RABGAP1L: variants seen among roughly 807,000 people sequenced by gnomAD.
RABGAP1L encodes RAB GTPase activating protein 1 like.
Under a neutral mutation model 137.7 loss-of-function variants are expected in RABGAP1L, and 63 were observed. The observed-to-expected ratio is 0.46, with a 90% CI of 0.37 to 0.56. The LOEUF is 0.56. Among genes scored for constraint, RABGAP1L ranks in the 20% least tolerant of loss-of-function variants. The pLI, the probability that RABGAP1L is intolerant of heterozygous loss-of-function variation, is 0.00. For synonymous variants in RABGAP1L, 431 were observed against 433.7 expected (o/e 0.99, Z 0.08); for missense variants, 1,095 against 1,244.0 (o/e 0.88, Z 1.80).
chr1:174,943,667 C>G (rs1666260349), intron 19 of RABGAP1L, among the ~76,000 whole-genome samples: 1 of 151,930 alleles, frequency 6.6e-6, no homozygotes, highest in Non-Finnish European at 1.5e-5. Context: ...AACCTGGTCT[C>G]TACTAAAAAT....
intron 19 of RABGAP1L, among the ~76,000 whole-genome samples, chr1:174,885,210 A>T (rs1410342992): frequency 6.6e-6 from 1 of 152,106 alleles, no homozygotes; most frequent in Non-Finnish European, 1.5e-5. Flanking sequence ...TCTTTCTTTA[A>T]CTCTTACAGA....
chr1:174,800,340 A>G, intron 18 of RABGAP1L: 1 of 1,550,244 alleles, frequency 6.5e-7, no homozygotes, highest in Non-Finnish European at 8.7e-7. Flanking sequence ...CTCATGGAAG[A>G]AGGGGTGCCC....
chr1:174,654,957 T>G (rs1232958407), intron 14 of RABGAP1L, among the ~76,000 whole-genome samples: 1 of 134,144 alleles, frequency 7.5e-6, no homozygotes, highest in Admixed American at 7.3e-5. Context: ...TCATTTTTTA[T>G]GATTAGATTC....
intron 13 of RABGAP1L, among the ~76,000 whole-genome samples, chr1:174,495,979 AG>A (rs1660699700): frequency 6.6e-6 from 1 of 152,188 alleles, no homozygotes; most frequent in Non-Finnish European, 1.5e-5. Flanking sequence ...TCAGCCTGCC[AG>A]TGTGCTGGGA....
At chr1:174,955,057 A>T (rs917571610) in intron 19 of RABGAP1L, among the ~76,000 whole-genome samples, 3 of 152,204 alleles carry the variant, frequency 2.0e-5, no homozygotes, top group Non-Finnish European at 2.9e-5. Context: ...TTATCTAATG[A>T]TCTGTGAGGC....
At position 174,465,567 on chromosome 1, in the gene RABGAP1L, C is replaced by T. The variant is rs187104637; in HGVS notation, c.1710+71422C>T. On this transcript the variant is annotated intron_variant, in intron 13 of 25. Transcript: ENST00000681986. ...GAATCTGGTGAACAGGAATGATAAA[C>T]TCTTTTCTCATAGAGCTTACATCCA... is the stretch of plus-strand genomic sequence containing the variant. 2.0e-3 allele frequency among the ~76,000 whole-genome samples: 311 copies of T among 152,170 alleles called. 1 individual carries two copies. Among genetic ancestry groups the T allele is most frequent in the Middle Eastern group, 3.4e-3 (1 of 292 alleles).
At chr1:174,160,648 T>C (rs1356012259) in intron 1 of RABGAP1L, among the ~76,000 whole-genome samples, 1 of 152,230 alleles carries the variant, frequency 6.6e-6, no homozygotes, top group Non-Finnish European at 1.5e-5. Context: ...AAAATGATTT[T>C]AAGGCCTTTA....
chr1:174,725,565 T>G (rs923306078), intron 17 of RABGAP1L, among the ~76,000 whole-genome samples: 9 of 152,194 alleles, frequency 5.9e-5, no homozygotes, highest in African/African-American at 2.2e-4. Context: ...TTACTTTTTA[T>G]TTTCATTTTT....
intron 11 of RABGAP1L, among the ~76,000 whole-genome samples, chr1:174,350,696 G>C (rs1203804946): frequency 2.3e-5 from 1 of 42,690 alleles, no homozygotes; most frequent in Non-Finnish European, 4.4e-5. Context: ...GGTGGCGGCC[G>C]GGCAGAGGCT....
chr1:174,727,708 T>C (rs1036736179), intron 17 of RABGAP1L, among the ~76,000 whole-genome samples: 1 of 152,198 alleles, frequency 6.6e-6, no homozygotes, highest in Non-Finnish European at 1.5e-5. Context: ...AAATGACAAA[T>C]GTTTCAGGTG....
At chr1:174,388,540 AAAACT>A in intron 12 of RABGAP1L, among the ~76,000 whole-genome samples, 1 of 152,134 alleles carries the variant, frequency 6.6e-6, no homozygotes, top group East Asian at 1.9e-4. Flanking sequence ...TTGTAAAAAC[AAAACT>A]AAACGTGGTA....
In RABGAP1L at chr1:174,845,143, T is replaced by C. The variant is rs1693913192; in HGVS notation, c.2340+33183T>C. Among the ~76,000 whole-genome samples the C allele has an allele frequency of 3.4e-5, 5 of 148,270 alleles. No homozygotes were observed. In the South Asian group the frequency reaches 1.1e-3, roughly 33 times the overall value. ...ATTTTGGGCTGAGATGATGGAGTTT[T>C]CTAGATAAACAATCATGTCGTCTGC... On this transcript the variant is annotated intron_variant, in intron 19 of 25. Coordinates refer to ENST00000681986, the MANE Select transcript of RABGAP1L (RefSeq NM_001366446.1).
At chr1:174,180,992 G>C (rs1171805693) in intron 1 of RABGAP1L, among the ~76,000 whole-genome samples, 2 of 152,072 alleles carry the variant, frequency 1.3e-5, no homozygotes, top group African/African-American at 4.8e-5. Flanking sequence ...ATTCACAGAC[G>C]AGAAAACAGA....
intron 17 of RABGAP1L, among the ~76,000 whole-genome samples, chr1:174,723,776 A>G (rs1416367856): frequency 6.6e-6 from 1 of 152,192 alleles, no homozygotes; most frequent in African/African-American, 2.4e-5. Context: ...GAGATATAGC[A>G]TATTTGCCTT....
At chr1:174,507,421 C>T (rs1433489831) in intron 13 of RABGAP1L, among the ~76,000 whole-genome samples, 4 of 152,000 alleles carry the variant, frequency 2.6e-5, no homozygotes, top group Non-Finnish European at 5.9e-5. Flanking sequence ...GAAAAATAAA[C>T]ATATGTTAAA....
intron 12 of RABGAP1L, among the ~76,000 whole-genome samples, chr1:174,385,308 G>T (rs1686667359): frequency 6.6e-6 from 1 of 152,148 alleles, no homozygotes. Flanking sequence ...CAGAGTTTTT[G>T]GCTTGAGCTA....
intron 13 of RABGAP1L, among the ~76,000 whole-genome samples, chr1:174,588,216 T>G (rs1669274101): frequency 6.6e-6 from 1 of 151,790 alleles, no homozygotes; most frequent in African/African-American, 2.4e-5. Context: ...CAGGCTGGAA[T>G]GTAGTGGCAT....
chr1:174,799,811 C>T (rs1170276645), intron 18 of RABGAP1L: 14 of 996,812 alleles, frequency 1.4e-5, no homozygotes, highest in South Asian at 4.4e-5. Context: ...CTGCTTGTCA[C>T]GAATCGAGGA....
chr1:174,584,559 C>T (rs1668975256), intron 13 of RABGAP1L, among the ~76,000 whole-genome samples: 1 of 152,166 alleles, frequency 6.6e-6, no homozygotes, highest in Non-Finnish European at 1.5e-5. Flanking sequence ...AAGACTCCAT[C>T]TCAACAGTGA....
Sources: allele counts gnomAD v4.1 joint callset (sites outside exome capture counted in the v4.1 genomes callset), GRCh38; gene constraint gnomAD v4.1.1; transcripts MANE v1.5; gene names NCBI Gene and HGNC (gene_info 2026-07-23, HGNC 2026-07-21).